The following HOXD9 variants were observed in gnomAD, a reference collection of about 807,000 sequenced individuals.
The protein encoded by HOXD9 is homeobox D9, also known as homeobox protein Hox-D9.
In HOXD9, 21 loss-of-function variants were observed where a neutral mutation model predicts 24.6. That is an observed-to-expected ratio of 0.85 (90% CI 0.61 to 1.23). The LOEUF is 1.23. Among genes scored for constraint, HOXD9 ranks in the 50% most tolerant of loss-of-function variants. HOXD9 has a pLI of 0.00. For missense variants in HOXD9, 503 were observed against 503.6 expected (o/e 1.00, Z 0.01); for synonymous variants, 240 against 226.4 (o/e 1.06, Z -0.54).
At position 176,123,260 on chromosome 2, in the gene HOXD9, C is replaced by A; in HGVS notation, c.492C>A (p.Thr164=). The A allele has an allele frequency of 6.6e-7, 1 of 1,520,598 alleles. No individual in the cohort carries two copies. Among genetic ancestry groups the A allele is most frequent in the African/African-American group, 1.4e-5 (1 of 70,690 alleles). 94.2% of individuals were successfully genotyped at this position (1,520,598 alleles called of 1,614,324 possible). A position where few individuals can be genotyped will look rare whatever the true frequency, so the allele number is the denominator to read the frequency against. Residue 164 remains threonine (T), a synonymous_variant, in exon 1 of 2, where the codon ACC becomes ACA. Coordinates refer to ENST00000249499, the MANE Select transcript of HOXD9 (RefSeq NM_014213.4). This position sits in a 1 kb window ranked among gnomAD's most constrained non-coding sequence, Gnocchi z 4.2. The part of the protein sequence containing the change: ...NGRHYGIKPE[T]RAAPAPATAA... The stretch of plus-strand genomic sequence containing the variant: ...GCCACTACGGGATTAAGCCTGAAAC[C>A]CGAGCGGCCCCGGCCCCCGCCACGG...
At position 176,123,168 on chromosome 2, in the gene HOXD9, G is replaced by A; in HGVS notation, c.400G>A (p.Gly134Ser). 1.4e-6 allele frequency: 2 copies of A among 1,409,636 alleles called. No homozygotes were observed. Among genetic ancestry groups the A allele is most frequent in the Admixed American group, 3.6e-5 (1 of 28,166 alleles). The allele number at this position is 1,409,636 out of a possible 1,614,324, so 87.3% of individuals were successfully genotyped here. Residue 134 changes from glycine to serine, a missense_variant, in exon 1 of 2, where the codon GGT (glycine) becomes AGT (serine). Transcript: ENST00000249499. This position sits in a 1 kb window ranked among gnomAD's most constrained non-coding sequence, Gnocchi z 4.2. ...PGFPGGAGGG[G>S]GGGGGGPGRG... ...CTTCCCGGGCGGTGCGGGCGGTGGC[G>A]GTGGTGGTGGAGGCGGCGGTCCGGG...
rs1476546678 is a variant in HOXD9, at chr2:176,123,199, G to C, written c.431G>C (p.Gly144Ala). 3.5e-6 allele frequency: 5 copies of C among 1,434,172 alleles called. No homozygotes were observed. Among genetic ancestry groups the C allele is most frequent in the Non-Finnish European group, 4.6e-6 (5 of 1,096,306 alleles). The allele number at this position is 1,434,172 out of a possible 1,614,324, so 88.8% of individuals were successfully genotyped here. Residue 144 changes from glycine (G) to alanine (A), a missense_variant, in exon 1 of 2, where the codon GGT becomes GCT. By Grantham distance (60) the Gly-to-Ala change is moderately conservative. Transcript: ENST00000249499. This position sits in a 1 kb window ranked among gnomAD's most constrained non-coding sequence, Gnocchi z 4.2. ...GGGGGGGPGR[G>A]PSPGPSGPAN... ...GGTGGAGGCGGCGGTCCGGGCCGCG[G>C]TCCCAGCCCTGGCCCCAGCGGCCCA...
At position 176,124,212 on chromosome 2, in the gene HOXD9, G is replaced by A. The variant is rs561988112; in HGVS notation, c.*37G>A. On this transcript the variant is annotated 3_prime_UTR_variant, in exon 2 of 2. Coordinates refer to ENST00000249499, the MANE Select transcript of HOXD9 (RefSeq NM_014213.4). ...GCTGGCGGGAGCGCTCAAGGGCAGC[G>A]GATTTGTTGTTGTTGCTGTTTTCCT... The A allele has an allele frequency of 3.2e-6, 5 of 1,546,904 alleles. No homozygotes were observed. The highest frequency in any genetic ancestry group is 4.6e-5 in the East Asian group (2 of 43,800).
Position 176,123,891 on chromosome 2 carries a change from C to G in HOXD9, c.818-43C>G. The G allele has an allele frequency of 1.3e-6, 2 of 1,546,254 alleles. No individual in the cohort carries two copies. The highest frequency in any genetic ancestry group is 1.8e-6 in the Non-Finnish European group (2 of 1,127,494). On this transcript the variant is annotated intron_variant, in intron 1 of 1. Coordinates refer to ENST00000249499, the MANE Select transcript of HOXD9 (RefSeq NM_014213.4). The surrounding 1 kb of genome is among the most constrained non-coding windows in gnomAD (Gnocchi z 4.2). ...CACCCTGTGGTCTCTCCCTGCCTCC[C>G]CTCCTCTCCTCTCTCCCCGTCTCCA...
chr2:176,123,675 A>C lies in HOXD9; in HGVS notation c.817+90A>C. On this transcript the variant is annotated intron_variant, in intron 1 of 1. Coordinates refer to ENST00000249499, the MANE Select transcript of HOXD9 (RefSeq NM_014213.4). The surrounding 1 kb of genome is among the most constrained non-coding windows in gnomAD (Gnocchi z 4.2). ...CTGATAGTTTTACTAACCTATAAAA[A>C]CGTCTAGACGCCTACCCAAGCCTAG... 7.1e-7 allele frequency: 1 copy of C among 1,418,136 alleles called. No individual in the cohort carries two copies. The highest frequency in any genetic ancestry group is 9.3e-7 in the Non-Finnish European group (1 of 1,076,572). The allele number at this position is 1,418,136 out of a possible 1,614,324, so 87.8% of individuals were successfully genotyped here.
Position 176,123,671 on chromosome 2 carries a change from A to C in HOXD9, c.817+86A>C. ...AAAACTGATAGTTTTACTAACCTATAAAAACGTCTAGACGCCTACCCAAGC... is the reference window on the plus strand; with the variant it reads ...AAAACTGATAGTTTTACTAACCTATCAAAACGTCTAGACGCCTACCCAAGC... On this transcript the variant is annotated intron_variant, in intron 1 of 1. Transcript: ENST00000249499. The surrounding 1 kb of genome is among the most constrained non-coding windows in gnomAD (Gnocchi z 4.2). The C allele has an allele frequency of 6.9e-7, 1 of 1,439,128 alleles. No individual in the cohort carries two copies. The highest frequency in any genetic ancestry group is 9.2e-7 in the Non-Finnish European group (1 of 1,091,196). The allele number at this position is 1,439,128 out of a possible 1,614,324, so 89.1% of individuals were successfully genotyped here.
Position 176,123,835 on chromosome 2 carries a change from T to C in HOXD9, c.818-99T>C. 1 of 1,138,136 alleles carries C rather than the reference T, an allele frequency of 8.8e-7. No homozygotes were observed. Among genetic ancestry groups the C allele is most frequent in the South Asian group, 1.5e-5 (1 of 65,516 alleles). The allele number at this position is 1,138,136 out of a possible 1,614,324, so 70.5% of individuals were successfully genotyped here. ...ACAAGTTGTGAAAAGCGACCATCCT[T>C]GGTGAAATTAATTTAACGACCTCTC... is the stretch of plus-strand genomic sequence containing the variant. On this transcript the variant is annotated intron_variant, in intron 1 of 1. Coordinates refer to ENST00000249499, the MANE Select transcript of HOXD9 (RefSeq NM_014213.4). The surrounding 1 kb of genome is among the most constrained non-coding windows in gnomAD (Gnocchi z 4.2).
Position 176,123,231 on chromosome 2 carries a change from G to T in HOXD9, c.463G>T (p.Gly155Trp), listed in dbSNP as rs191379716. The T allele has an allele frequency of 2.2e-3, 3,092 of 1,403,262 alleles. 5 individuals carry two copies. Among genetic ancestry groups the T allele is most frequent in the Non-Finnish European group, 2.5e-3 (2,702 of 1,066,564 alleles). The allele number at this position is 1,403,262 out of a possible 1,614,324, so 86.9% of individuals were successfully genotyped here. ...CCCTGGCCCCAGCGGCCCAGCCAACGGGCGCCACTACGGGATTAAGCCTGA... is the reference window on the plus strand; with the variant it reads ...CCCTGGCCCCAGCGGCCCAGCCAACTGGCGCCACTACGGGATTAAGCCTGA... ...PSPGPSGPAN[G>W]RHYGIKPETR... Residue 155 changes from glycine to tryptophan, a missense_variant, in exon 1 of 2, where the codon GGG (glycine) becomes TGG (tryptophan). Gly to Trp is a radical substitution (Grantham distance 184). Coordinates refer to ENST00000249499, the MANE Select transcript of HOXD9 (RefSeq NM_014213.4). This position sits in a 1 kb window ranked among gnomAD's most constrained non-coding sequence, Gnocchi z 4.2.
Position 176,123,366 on chromosome 2 carries a change from C to A in HOXD9, c.598C>A (p.Gln200Lys). Reference sequence around the variant, plus strand: ...TGAGTGCTCCGTGGCCCGGGAGTCCCAGGGGAGCAGCGGCCCCGAGTTCTC... The same window carrying A: ...TGAGTGCTCCGTGGCCCGGGAGTCCAAGGGGAGCAGCGGCCCCGAGTTCTC... ...RTECSVARESQGSSGPEFSCN... is the reference protein window; with the variant it reads ...RTECSVARESKGSSGPEFSCN... Residue 200 changes from glutamine (Q) to lysine (K), a missense_variant, in exon 1 of 2, where the codon CAG becomes AAG. By Grantham distance (53) the Gln-to-Lys change is moderately conservative. Coordinates refer to ENST00000249499, the MANE Select transcript of HOXD9 (RefSeq NM_014213.4). The surrounding 1 kb of genome is among the most constrained non-coding windows in gnomAD (Gnocchi z 4.2). 6.4e-7 allele frequency: 1 copy of A among 1,550,970 alleles called. No individual in the cohort carries two copies. The highest frequency in any genetic ancestry group is 8.7e-7 in the Non-Finnish European group (1 of 1,147,226).
chr2:176,123,664 A>G lies in HOXD9; in HGVS notation c.817+79A>G. On this transcript the variant is annotated intron_variant, in intron 1 of 1. Coordinates refer to ENST00000249499, the MANE Select transcript of HOXD9 (RefSeq NM_014213.4). The surrounding 1 kb of genome is among the most constrained non-coding windows in gnomAD (Gnocchi z 4.2). ...AATGTGCAAAACTGATAGTTTTACT[A>G]ACCTATAAAAACGTCTAGACGCCTA... The G allele has an allele frequency of 6.9e-7, 1 of 1,447,158 alleles. No homozygotes were observed. 89.6% of individuals were successfully genotyped at this position (1,447,158 alleles called of 1,614,324 possible).
chr2:176,122,775 GGTGGGAGTGCGGGACGCCTC>G lies in HOXD9; in HGVS notation c.8_27del (p.Gly3GlufsTer20). On this transcript the variant is annotated frameshift_variant, in exon 1 of 2. Transcript: ENST00000249499. LOFTEE classifies it high-confidence loss of function. ...CTCGGCGGCGGACAGTGTAATGTTG[GGTGGGAGTGCGGGACGCCTC>G]AAAATGTCTTCCAGTGGCACCCTCA... 6.6e-7 allele frequency: 1 copy of G among 1,513,916 alleles called. No individual in the cohort carries two copies. The highest frequency in any genetic ancestry group is 8.8e-7 in the Non-Finnish European group (1 of 1,135,330). 93.8% of individuals were successfully genotyped at this position (1,513,916 alleles called of 1,614,324 possible).
At position 176,123,047 on chromosome 2, in the gene HOXD9, C is replaced by A. The variant is rs1181202461; in HGVS notation, c.279C>A (p.Ser93Arg). ...AGCCCCCGGCAGCGGCGGCGATGAGCGGCCTCTACCACCCGTACGTTCCCC... is the reference window on the plus strand; with the variant it reads ...AGCCCCCGGCAGCGGCGGCGATGAGAGGCCTCTACCACCCGTACGTTCCCC... ...PSQPPAAAAM[S>R]GLYHPYVPPP... is the part of the protein sequence containing the mutation. The change falls in exon 1 of 2, where the codon AGC (serine) becomes AGA (arginine). Residue 93 changes from serine to arginine, a missense_variant. By Grantham distance (110) the Ser-to-Arg change is moderately radical. Coordinates refer to ENST00000249499, the MANE Select transcript of HOXD9 (RefSeq NM_014213.4). The surrounding 1 kb of genome is among the most constrained non-coding windows in gnomAD (Gnocchi z 4.2). 19 of 1,582,130 alleles carry A rather than the reference C, an allele frequency of 1.2e-5. No homozygotes were observed. The highest frequency in any genetic ancestry group is 1.6e-5 in the Non-Finnish European group (19 of 1,167,606).
Position 176,124,145 on chromosome 2 carries a change from G to A in HOXD9, c.1029G>A (p.Met343Ile), listed in dbSNP as rs1436635760. ...ACCGTAGGATGAAAATGAAAAAGAT[G>A]AGCAAGGAGAAATGCCCCAAAGGAG... ...FQNRRMKMKK[M>I]SKEKCPKGD is the part of the protein sequence containing the mutation. The change falls in exon 2 of 2, where the codon ATG (methionine) becomes ATA (isoleucine). Residue 343 changes from methionine to isoleucine, a missense_variant. By Grantham distance (10) the Met-to-Ile change is conservative (BLOSUM62 1). Transcript: ENST00000249499. 31 of 1,613,348 alleles carry A rather than the reference G, an allele frequency of 1.9e-5. No individual in the cohort carries two copies. The highest frequency in any genetic ancestry group is 2.6e-5 in the Non-Finnish European group (31 of 1,179,342).
rs1410821082 is a variant in HOXD9, at chr2:176,124,225, T to C, written c.*50T>C. The C allele has an allele frequency of 1.3e-6, 2 of 1,535,634 alleles. No homozygotes were observed. The highest frequency in any genetic ancestry group is 1.4e-5 in the African/African-American group (1 of 72,260). Reference sequence around the variant, plus strand: ...CTCAAGGGCAGCGGATTTGTTGTTGTTGCTGTTTTCCTTTGTGGGTGTTTG... The same window carrying C: ...CTCAAGGGCAGCGGATTTGTTGTTGCTGCTGTTTTCCTTTGTGGGTGTTTG... On this transcript the variant is annotated 3_prime_UTR_variant, in exon 2 of 2. Transcript: ENST00000249499.
At position 176,122,723 on chromosome 2, in the gene HOXD9, G is replaced by C. The variant is rs749094479; in HGVS notation, c.-46G>C. On this transcript the variant is annotated 5_prime_UTR_variant, in exon 1 of 2. Coordinates refer to ENST00000249499, the MANE Select transcript of HOXD9 (RefSeq NM_014213.4). Reference sequence around the variant, plus strand: ...GGAGGCTGCAGCCTGCGAACTAGTCGGTGGCTCGGGCGCCGGCGGGGAGCT... The same window carrying C: ...GGAGGCTGCAGCCTGCGAACTAGTCCGTGGCTCGGGCGCCGGCGGGGAGCT... The C allele has an allele frequency of 6.9e-7, 1 of 1,453,572 alleles. No homozygotes were observed. The highest frequency in any genetic ancestry group is 9.1e-7 in the Non-Finnish European group (1 of 1,104,478). 90.0% of individuals were successfully genotyped at this position (1,453,572 alleles called of 1,614,324 possible).
chr2:176,124,297 T>TC lies in HOXD9; in HGVS notation c.*122_*123insC, dbSNP rs1689935894. 6 of 1,401,520 alleles carry TC rather than the reference T, an allele frequency of 4.3e-6. No homozygotes were observed. In the South Asian group the frequency reaches 7.7e-5, roughly 18 times the overall value. 86.8% of individuals were successfully genotyped at this position (1,401,520 alleles called of 1,614,324 possible). On this transcript the variant is annotated 3_prime_UTR_variant, in exon 2 of 2. Transcript: ENST00000249499. The stretch of plus-strand genomic sequence containing the variant: ...TCCAGCGACTTGGACTTCTTCTTCT[T>TC]TTTTTTTTTCTTTTTAGATAGAAGT...
chr2:176,123,891 CCTCCT>C lies in HOXD9; in HGVS notation c.818-34_818-30del. 6.5e-7 allele frequency: 1 copy of C among 1,546,244 alleles called. No individual in the cohort carries two copies. Among genetic ancestry groups the C allele is most frequent in the South Asian group, 1.2e-5 (1 of 86,568 alleles). Reference sequence around the variant, plus strand: ...CACCCTGTGGTCTCTCCCTGCCTCCCCTCCTCTCCTCTCTCCCCGTCTCCAAACCT... The same window carrying C: ...CACCCTGTGGTCTCTCCCTGCCTCCCCTCCTCTCTCCCCGTCTCCAAACCT... On this transcript the variant is annotated intron_variant, in intron 1 of 1. Coordinates refer to ENST00000249499, the MANE Select transcript of HOXD9 (RefSeq NM_014213.4). This position sits in a 1 kb window ranked among gnomAD's most constrained non-coding sequence, Gnocchi z 4.2.
At position 176,123,718 on chromosome 2, in the gene HOXD9, A is replaced by G; in HGVS notation, c.817+133A>G. On this transcript the variant is annotated intron_variant, in intron 1 of 1. Transcript: ENST00000249499. The surrounding 1 kb of genome is among the most constrained non-coding windows in gnomAD (Gnocchi z 4.2). ...AAGCCTAGGCGAACAACATGCATCCATAAAAAGAGCTTCCCATAACCACCT... is the reference window on the plus strand; with the variant it reads ...AAGCCTAGGCGAACAACATGCATCCGTAAAAAGAGCTTCCCATAACCACCT... 1.6e-6 allele frequency: 2 copies of G among 1,258,022 alleles called. No homozygotes were observed. Among genetic ancestry groups the G allele is most frequent in the South Asian group, 3.6e-5 (2 of 55,376 alleles). The allele number at this position is 1,258,022 out of a possible 1,614,324, so 77.9% of individuals were successfully genotyped here.
In HOXD9 at chr2:176,123,009, G is replaced by A; in HGVS notation, c.241G>A (p.Ala81Thr). 1 of 1,592,276 alleles carries A rather than the reference G, an allele frequency of 6.3e-7. No individual in the cohort carries two copies. The highest frequency in any genetic ancestry group is 1.1e-5 in the South Asian group (1 of 89,312). Residue 81 changes from alanine to threonine, a missense_variant, in exon 1 of 2, where the codon GCG (alanine) becomes ACG (threonine). Transcript: ENST00000249499. The surrounding 1 kb of genome is among the most constrained non-coding windows in gnomAD (Gnocchi z 4.2). ...GGCCGTGTTCTCTGCCTCGTGGTCC[G>A]CGGTGCCCTCCCAGCCCCCGGCAGC... ...RSAVFSASWS[A>T]VPSQPPAAAA...
Sources: allele counts gnomAD v4.1 joint callset, GRCh38; gene constraint gnomAD v4.1.1; non-coding constraint Gnocchi (gnomAD v3.1); transcripts MANE v1.5; gene names NCBI Gene and HGNC (gene_info 2026-07-23, HGNC 2026-07-21).